The following WTAP variants were observed in gnomAD, a reference collection of about 807,000 sequenced individuals.
WTAP encodes the protein pre-mRNA-splicing regulator WTAP.
A neutral mutation model predicts 50.0 loss-of-function variants in WTAP; 8 were observed. The ratio of observed to expected loss-of-function variants is 0.16; its 90% CI spans 0.09 to 0.29. The LOEUF is 0.29. WTAP is among the 10% of genes least tolerant of loss of function. The pLI, the probability that WTAP is intolerant of heterozygous loss-of-function variation, is 1.00. For synonymous variants in WTAP, 194 were observed against 169.0 expected (o/e 1.15, Z -1.15); for missense variants, 295 against 470.7 (o/e 0.63, Z 3.45).
chr6:159,747,493 T>C (rs999820608), intron 5 of WTAP, among the ~76,000 whole-genome samples: 19 of 152,220 alleles, frequency 1.2e-4, no homozygotes, highest in Admixed American at 1.0e-3. Context: ...ATATGAATTA[T>C]ACTTTATTTT....
intron 7 of WTAP, among the ~76,000 whole-genome samples, 154 bp downstream of exon 7, chr6:159,753,768 C>T (rs927694918): frequency 2.6e-5 from 4 of 152,196 alleles, no homozygotes; most frequent in Admixed American, 6.5e-5. Flanking sequence ...TAGTTGAGTC[C>T]GCAAACAAAG....
chr6:159,743,283 G>T (rs945294892), intron 4 of WTAP, among the ~76,000 whole-genome samples: 2 of 152,212 alleles, frequency 1.3e-5, no homozygotes, highest in Admixed American at 6.5e-5. Context: ...CTGACCTCAG[G>T]TGATCTACCT....
In WTAP at chr6:159,755,931, C is replaced by T. The variant is rs1779997814; in HGVS notation, c.*320C>T. On this transcript the variant is annotated 3_prime_UTR_variant, in exon 8 of 8. Coordinates refer to ENST00000621533, the MANE Select transcript of WTAP (RefSeq NM_001270531.2). ...ATGGAAATTTTTCCTTAAAATACAA[C>T]ACAATGATGTCTGTATAAATCTGTC... 3.9e-6 allele frequency: 1 copy of T among 256,042 alleles called. No homozygotes were observed. The highest frequency in any genetic ancestry group is 1.0e-4 in the East Asian group (1 of 10,032). 15.9% of individuals were successfully genotyped at this position (256,042 alleles called of 1,614,324 possible).
intron 2 of WTAP, among the ~76,000 whole-genome samples, chr6:159,737,235 G>C (rs1778976238): frequency 6.6e-6 from 1 of 152,136 alleles, no homozygotes; most frequent in Non-Finnish European, 1.5e-5. Context: ...TTCTTGTAGA[G>C]ATGGGGTTTT....
intron 1 of WTAP, among the ~76,000 whole-genome samples, chr6:159,730,167 C>T (rs1778480765): frequency 6.6e-6 from 1 of 152,194 alleles, no homozygotes; most frequent in Admixed American, 6.5e-5. Context: ...CACCTAATAG[C>T]TGATCACCTA....
chr6:159,734,375 CA>C (rs67668924), intron 1 of WTAP, among the ~76,000 whole-genome samples: 65,783 of 130,578 alleles, frequency 0.5, 16,370 homozygotes, highest in Middle Eastern at 0.61. Context: ...GACTCCATCT[CA>C]AAAAAAAAAA....
chr6:159,740,359 A>G (rs1445049264), intron 3 of WTAP, among the ~76,000 whole-genome samples: 1 of 152,208 alleles, frequency 6.6e-6, no homozygotes, highest in Non-Finnish European at 1.5e-5. Flanking sequence ...TCAGTTTAAC[A>G]TCTTTCCTTA....
chr6:159,742,956 T>C (rs1182507139), intron 4 of WTAP, among the ~76,000 whole-genome samples: 1 of 152,150 alleles, frequency 6.6e-6, no homozygotes, highest in Non-Finnish European at 1.5e-5. Context: ...CAGTGAGCCC[T>C]GATTGTGCCA....
intron 1 of WTAP, among the ~76,000 whole-genome samples, chr6:159,728,657 A>G (rs1343986714): frequency 6.6e-6 from 1 of 152,232 alleles, no homozygotes; most frequent in Non-Finnish European, 1.5e-5. Context: ...CCGTAATTTA[A>G]AACTATGAGC....
chr6:159,738,042 C>T (rs1005516498), intron 2 of WTAP, among the ~76,000 whole-genome samples: 17 of 152,168 alleles, frequency 1.1e-4, no homozygotes, highest in African/African-American at 3.9e-4. Context: ...CTGTGAAAAT[C>T]AGGGAATTGA....
At chr6:159,740,708 C>CT (rs565299103) in intron 3 of WTAP, among the ~76,000 whole-genome samples, 1,732 of 126,596 alleles carry the variant, frequency 0.014, 16 homozygotes, top group Non-Finnish European at 0.015. Flanking sequence ...TTTTTTCTTT[C>CT]TTTTTTTTTT....
In WTAP at chr6:159,727,514, G is replaced by A; in HGVS notation, c.-198G>A. Reference sequence around the variant, plus strand: ...CGGCGGGGCCTGGTTTCCTCCCTCAGCGCCATTTTGTGGCAGCGAGACCCA... The same window carrying A: ...CGGCGGGGCCTGGTTTCCTCCCTCAACGCCATTTTGTGGCAGCGAGACCCA... On this transcript the variant is annotated 5_prime_UTR_variant, in exon 1 of 8. Coordinates refer to ENST00000621533, the MANE Select transcript of WTAP (RefSeq NM_001270531.2). 1 of 992,936 alleles carries A rather than the reference G, an allele frequency of 1.0e-6. No homozygotes were observed. Among genetic ancestry groups the A allele is most frequent in the Non-Finnish European group, 1.2e-6 (1 of 835,716 alleles). 61.5% of individuals were successfully genotyped at this position (992,936 alleles called of 1,614,324 possible). A position where few individuals can be genotyped will look rare whatever the true frequency, so the allele number is the denominator to read the frequency against.
Position 159,730,481 on chromosome 6 carries a change from G to A in WTAP, c.-9+2778G>A, listed in dbSNP as rs192032871. 3.1e-4 allele frequency among the ~76,000 whole-genome samples: 47 copies of A among 152,040 alleles called. No individual in the cohort carries two copies. The South Asian group carries it at 4.6e-3, about 15-fold the overall frequency. ...TGCCCTGGGGAATACCAAACTTCTCGGTACATTCGTGTGGTGTGAAAGTCA... is the reference window on the plus strand; with the variant it reads ...TGCCCTGGGGAATACCAAACTTCTCAGTACATTCGTGTGGTGTGAAAGTCA... On this transcript the variant is annotated intron_variant, in intron 1 of 7. Coordinates refer to ENST00000621533, the MANE Select transcript of WTAP (RefSeq NM_001270531.2).
intron 5 of WTAP, among the ~76,000 whole-genome samples, chr6:159,746,943 C>T (rs1180178512): frequency 6.6e-6 from 1 of 152,086 alleles, no homozygotes; most frequent in African/African-American, 2.4e-5. Context: ...TTAATCAGTC[C>T]TGTCAGTACA....
chr6:159,727,496 GC>G, upstream of WTAP: 1 of 993,676 alleles, frequency 1.0e-6, no homozygotes, highest in Non-Finnish European at 1.2e-6. Context: ...GGGCGGCGGG[GC>G]CTGGTTTCCT....
chr6:159,730,633 C>G (rs1416132229), intron 1 of WTAP, among the ~76,000 whole-genome samples: 1 of 152,160 alleles, frequency 6.6e-6, no homozygotes, highest in East Asian at 1.9e-4. Context: ...CATCGACTTT[C>G]AAGGAAAGAT....
chr6:159,755,387 A>AGAG lies in WTAP; in HGVS notation c.972_974dup (p.Gly325dup). On this transcript the variant is annotated inframe_insertion, in exon 8 of 8. Transcript: ENST00000621533. ...CAACAGCTCAGAGGAGAGAACTGGC[A>AGAG]GAGGAGGTAGTGGTTACGTAAATCA... The AGAG allele has an allele frequency of 6.2e-7, 1 of 1,614,240 alleles. No individual in the cohort carries two copies. Among genetic ancestry groups the AGAG allele is most frequent in the Non-Finnish European group, 8.5e-7 (1 of 1,180,034 alleles).
At position 159,755,098 on chromosome 6, in the gene WTAP, G is replaced by T. The variant is rs369846196; in HGVS notation, c.678G>T (p.Gln226His). 6.2e-7 allele frequency: 1 copy of T among 1,614,188 alleles called. No homozygotes were observed. Among genetic ancestry groups the T allele is most frequent in the Non-Finnish European group, 8.5e-7 (1 of 1,180,030 alleles). Reference sequence around the variant, plus strand: ...TGCAGAGTACCATTCTAGTTCTGCAGCAGCAGCTGAAGGAGACACGCCAGC... The same window carrying T: ...TGCAGAGTACCATTCTAGTTCTGCATCAGCAGCTGAAGGAGACACGCCAGC... ...EGMQSTILVL[Q>H]QQLKETRQQL... Residue 226 changes from glutamine (Q) to histidine (H), a missense_variant, in exon 8 of 8, where the codon CAG (glutamine) becomes CAT (histidine). Coordinates refer to ENST00000621533, the MANE Select transcript of WTAP (RefSeq NM_001270531.2).
At position 159,736,245 on chromosome 6, in the gene WTAP, C is replaced by CA; in HGVS notation, c.-8-13_-8-12insA. The CA allele has an allele frequency of 7.6e-7, 1 of 1,314,508 alleles. No homozygotes were observed. Among genetic ancestry groups the CA allele is most frequent in the Non-Finnish European group, 1.0e-6 (1 of 961,086 alleles). 81.4% of individuals were successfully genotyped at this position (1,314,508 alleles called of 1,614,324 possible). A position where few individuals can be genotyped will look rare whatever the true frequency, so the allele number is the denominator to read the frequency against. Reference sequence around the variant, plus strand: ...AATAAATTGAACTTGTTTTCCGCAACTTTTTTTTTTAGGATTCAAGATGAC... The same window carrying CA: ...AATAAATTGAACTTGTTTTCCGCAACATTTTTTTTTTAGGATTCAAGATGAC... On this transcript the variant is annotated splice_polypyrimidine_tract_variant and intron_variant, in intron 1 of 7. Coordinates refer to ENST00000621533, the MANE Select transcript of WTAP (RefSeq NM_001270531.2).
Sources: gnomAD v4.1 joint callset for allele counts (sites outside exome capture counted in the v4.1 genomes callset) on GRCh38, gnomAD v4.1.1 for gene constraint, MANE v1.5 for transcripts, NCBI Gene and HGNC (gene_info 2026-07-23, HGNC 2026-07-21) for gene names.